PROS1: variants seen among roughly 807,000 people sequenced by gnomAD.
The protein encoded by PROS1 is vitamin K-dependent protein S.
In PROS1, 29 loss-of-function variants were observed where a neutral mutation model predicts 75.9. The observed-to-expected ratio is 0.38, with a 90% CI of 0.28 to 0.52. The LOEUF (loss-of-function observed/expected upper bound fraction) is 0.52. PROS1 is among the 20% of genes least tolerant of loss of function. The pLI, the probability that PROS1 is intolerant of heterozygous loss-of-function variation, is 0.83. For missense variants in PROS1, 680 were observed against 810.3 expected, an observed-to-expected ratio of 0.84 and a Z score of 1.95; for synonymous variants, 245 against 280.6, an observed-to-expected ratio of 0.87 and a Z score of 1.27.
chr3:93,914,076 AT>A (rs1408097763), intron 3 of PROS1, among the ~76,000 whole-genome samples: 1 of 152,242 alleles, frequency 6.6e-6, no homozygotes, highest in African/African-American at 2.4e-5. Context: ...GCCCATCCCT[AT>A]GGCTTTGCTG....
rs568858301 is a variant in PROS1, at chr3:93,926,412, G to A, written c.234+838C>T. On this transcript the variant is annotated intron_variant, in intron 2 of 14. Coordinates refer to ENST00000394236, the MANE Select transcript of PROS1 (RefSeq NM_000313.4). ...TTTAGGAGGCCAAGGCAGGTGGATT[G>A]CTTAAGCCCAGGAGTTTGAGACTTG... 5.3e-5 allele frequency among the ~76,000 whole-genome samples: 8 copies of A among 152,212 alleles called. No individual in the cohort carries two copies. In the East Asian group the frequency reaches 1.6e-3, roughly 29 times the overall value.
At chr3:93,967,894 A>G (rs989878587) in intron 1 of PROS1, 1 of 152,172 alleles carries the variant, frequency 6.6e-6, no homozygotes, top group African/African-American at 2.4e-5. Context: ...CCTGTCTCAA[A>G]AAATAAATAA....
intron 1 of PROS1, among the ~76,000 whole-genome samples, chr3:93,955,254 C>T (rs889093966): frequency 1.7e-4 from 26 of 152,168 alleles, no homozygotes; most frequent in Admixed American, 3.9e-4. Flanking sequence ...ATAAATCATG[C>T]TGCTATAAAG....
rs544369648 is a variant in PROS1, at chr3:93,879,013, C to T, written c.1644+150G>A. The T allele has an allele frequency of 6.4e-5, 53 of 825,774 alleles. No individual in the cohort carries two copies. The South Asian group carries it at 8.9e-4, about 14-fold the overall frequency. 51.2% of individuals were successfully genotyped at this position (825,774 alleles called of 1,614,324 possible). A position where few individuals can be genotyped will look rare whatever the true frequency, so the allele number is the denominator to read the frequency against. On this transcript the variant is annotated intron_variant, in intron 13 of 14. Transcript: ENST00000394236. ...AACAATAATAGACATTTTTTGAGTC[C>T]TTAATGATGTGCTGGAGATTGTGCC...
At chr3:93,934,705 G>A (rs1003982875) in intron 1 of PROS1, among the ~76,000 whole-genome samples, 1 of 152,070 alleles carries the variant, frequency 6.6e-6, no homozygotes, top group Admixed American at 6.5e-5. Context: ...ACATATAAAG[G>A]CGAGTTCTAA....
chr3:93,935,272 G>A (rs1709165880), intron 1 of PROS1, among the ~76,000 whole-genome samples: 1 of 152,040 alleles, frequency 6.6e-6, no homozygotes, highest in South Asian at 2.1e-4. Context: ...TGCTACAACA[G>A]GAGGTCTTTT....
chr3:93,957,968 G>A (rs1368414174), intron 1 of PROS1, among the ~76,000 whole-genome samples: 1 of 151,942 alleles, frequency 6.6e-6, no homozygotes, highest in African/African-American at 2.4e-5. Context: ...CATGCCTGTA[G>A]TCCCAGCTAC....
chr3:93,930,855 C>T (rs1030077788), intron 1 of PROS1, among the ~76,000 whole-genome samples: 3 of 152,146 alleles, frequency 2.0e-5, no homozygotes, highest in African/African-American at 7.2e-5. Context: ...CATCCCAACT[C>T]TCAGACCTGC....
intron 1 of PROS1, among the ~76,000 whole-genome samples, chr3:93,942,593 C>T (rs1358689172): frequency 6.6e-6 from 1 of 152,182 alleles, no homozygotes; most frequent in Non-Finnish European, 1.5e-5. Context: ...CACCTATTCC[C>T]CCACTGAAAC....
In PROS1 at chr3:93,931,547, T is replaced by C. The variant is rs150323257; in HGVS notation, c.77-4140A>G. 2.6e-5 allele frequency among the ~76,000 whole-genome samples: 4 copies of C among 152,252 alleles called. No individual in the cohort carries two copies. In the East Asian group the frequency reaches 7.7e-4, roughly 29 times the overall value. ...TTCCAAGAATGTCACCATCTCTAAA[T>C]AAAAAAATAATGCTTGTGGTCTAGA... On this transcript the variant is annotated intron_variant, in intron 1 of 14. Transcript: ENST00000394236.
intron 2 of PROS1, among the ~76,000 whole-genome samples, chr3:93,925,527 C>T (rs1473020696): frequency 1.3e-5 from 2 of 151,086 alleles, no homozygotes; most frequent in Non-Finnish European, 2.9e-5. Context: ...AATTGTAACA[C>T]AGTAACAAAT....
At chr3:93,903,237 A>G (rs1359208858) in intron 6 of PROS1, among the ~76,000 whole-genome samples, 1 of 152,222 alleles carries the variant, frequency 6.6e-6, no homozygotes, top group Non-Finnish European at 1.5e-5. Context: ...CTAAACAATA[A>G]TGCAAATGAA....
chr3:93,950,349 C>T (rs543992616), intron 1 of PROS1, among the ~76,000 whole-genome samples: 31 of 152,282 alleles, frequency 2.0e-4, no homozygotes, highest in East Asian at 7.7e-4. Flanking sequence ...TCTCCCAGCA[C>T]GGAGTTTGAT....
chr3:93,917,478 C>T (rs1398894630), intron 3 of PROS1, among the ~76,000 whole-genome samples: 1 of 152,204 alleles, frequency 6.6e-6, no homozygotes, highest in African/African-American at 2.4e-5. Flanking sequence ...CCTCGCTGCT[C>T]TGGGCACCTT....
At chr3:93,879,755 A>G (rs1708248753) in intron 12 of PROS1, among the ~76,000 whole-genome samples, 2 of 152,238 alleles carry the variant, frequency 1.3e-5, no homozygotes, top group African/African-American at 4.8e-5. Flanking sequence ...TATGATCTAT[A>G]TACATAGGAG....
intron 7 of PROS1, among the ~76,000 whole-genome samples, chr3:93,900,140 C>A (rs1258295783): frequency 6.6e-6 from 1 of 152,104 alleles, no homozygotes; most frequent in African/African-American, 2.4e-5. Flanking sequence ...AACAAACCTA[C>A]AAACAAACAA....
chr3:93,906,254 A>G, intron 4 of PROS1, 111 bp from the exon 5 acceptor site: 1 of 1,136,180 alleles, frequency 8.8e-7, no homozygotes, highest in Non-Finnish European at 1.3e-6. Flanking sequence ...AAAAAAACAC[A>G]CAACTCCTTT....
At chr3:93,919,536 CAG>C (rs986936767) in intron 3 of PROS1, among the ~76,000 whole-genome samples, 1 of 151,490 alleles carries the variant, frequency 6.6e-6, no homozygotes, top group African/African-American at 2.4e-5. Context: ...ATTTATTTGA[CAG>C]AGACAGATCT....
At chr3:93,913,538 T>A (rs1292586154) in intron 3 of PROS1, among the ~76,000 whole-genome samples, 1 of 152,166 alleles carries the variant, frequency 6.6e-6, no homozygotes. Context: ...ACATTATAAA[T>A]TACCCAGTCT....
Sources: gnomAD v4.1 joint callset for allele counts (sites outside exome capture counted in the v4.1 genomes callset) on GRCh38, gnomAD v4.1.1 for gene constraint, MANE v1.5 for transcripts, NCBI Gene and HGNC (gene_info 2026-07-23, HGNC 2026-07-21) for gene names.